Variants in ERI1 observed in about 807,000 individuals in gnomAD.
ERI1 encodes the protein exoribonuclease 1.
ERI1 carries 39 observed loss-of-function variants against 39.7 expected under a neutral mutation model. The observed-to-expected ratio is 0.98, with a 90% CI of 0.76 to 1.28. ERI1 has a LOEUF of 1.28. ERI1 is among the 50% of genes most tolerant of loss of function. The probability of loss-of-function intolerance (pLI) is 0.00; values close to 1 mark genes in which losing one functional copy is unlikely to be tolerated. For missense variants in ERI1, 581 were observed against 416.9 expected (o/e 1.39, Z -3.43); for synonymous variants, 204 against 149.6 (o/e 1.36, Z -2.65).
chr8:9,008,028 C>T lies in ERI1; in HGVS notation c.167C>T (p.Ser56Phe). The T allele has an allele frequency of 6.3e-7, 1 of 1,598,164 alleles. No individual in the cohort carries two copies. The highest frequency in any genetic ancestry group is 8.5e-7 in the Non-Finnish European group (1 of 1,175,502). The change falls in exon 2 of 7, where the codon TCC (serine) becomes TTC (phenylalanine). Residue 56 changes from serine to phenylalanine, a missense_variant. By Grantham distance (155) the Ser-to-Phe change is radical. Coordinates refer to ENST00000250263, the MANE Select transcript of ERI1 (RefSeq NM_153332.4). ...QETKGSKFIT[S>F]SASDFSDPVY... is the part of the protein sequence containing the mutation. Reference sequence around the variant, plus strand: ...ACAAAAGGATCCAAGTTCATTACCTCCAGTGCGAGTGACTTCAGTGACCCG... The same window carrying T: ...ACAAAAGGATCCAAGTTCATTACCTTCAGTGCGAGTGACTTCAGTGACCCG...
At chr8:9,050,507 CAA>C (rs35279058) in intron 3 of ERI1, among the ~76,000 whole-genome samples, 91,910 of 141,518 alleles carry the variant, frequency 0.65, 31,041 homozygotes, top group South Asian at 0.79. Flanking sequence ...AACTCCATCT[CAA>C]AAAAAAAAAA....
At chr8:9,006,919 C>G (rs1437217331) in intron 1 of ERI1, among the ~76,000 whole-genome samples, 2 of 152,248 alleles carry the variant, frequency 1.3e-5, no homozygotes, top group South Asian at 2.1e-4. Context: ...GGACTGTGGC[C>G]TCTCTGTGAT....
Position 9,033,175 on chromosome 8 carries a change from G to T in ERI1, c.*3141G>T, listed in dbSNP as rs1480001570. 7.0e-6 allele frequency: 1 copy of T among 142,380 alleles called. No homozygotes were observed. Among genetic ancestry groups the T allele is most frequent in the Non-Finnish European group, 1.5e-5 (1 of 66,144 alleles). 8.8% of individuals were successfully genotyped at this position (142,380 alleles called of 1,614,324 possible). On this transcript the variant is annotated 3_prime_UTR_variant, in exon 7 of 7. Transcript: ENST00000250263. Reference sequence around the variant, plus strand: ...GTAAATTTGTTAATCTAGAGCAGGGGTCAGCAAACTACCACCCATGGGCCA... The same window carrying T: ...GTAAATTTGTTAATCTAGAGCAGGGTTCAGCAAACTACCACCCATGGGCCA...
intron 3 of ERI1, among the ~76,000 whole-genome samples, chr8:9,059,540 T>C (rs1563363793): frequency 6.6e-6 from 1 of 151,944 alleles, no homozygotes; most frequent in Non-Finnish European, 1.5e-5. Context: ...ACATTTGTCT[T>C]ATAGAATTAT....
At chr8:9,079,086 C>G (rs533031790) in intron 3 of ERI1, among the ~76,000 whole-genome samples, 1 of 152,040 alleles carries the variant, frequency 6.6e-6, no homozygotes, top group Non-Finnish European at 1.5e-5. Context: ...AAGGAAAATT[C>G]TTTATGGGTG....
At chr8:9,021,326 C>G (rs573350369) in intron 6 of ERI1, among the ~76,000 whole-genome samples, 1 of 152,166 alleles carries the variant, frequency 6.6e-6, no homozygotes, top group East Asian at 1.9e-4. Context: ...AGCCTTTAAT[C>G]CTGTTCTAAT....
At chr8:9,066,288 T>A (rs1345987498) in intron 3 of ERI1, among the ~76,000 whole-genome samples, 1 of 152,214 alleles carries the variant, frequency 6.6e-6, no homozygotes, top group Non-Finnish European at 1.5e-5. Context: ...ACAACTTGTT[T>A]CTTCTCCTTT....
At chr8:9,070,806 AC>A (rs1329482895) in intron 3 of ERI1, among the ~76,000 whole-genome samples, 5 of 152,326 alleles carry the variant, frequency 3.3e-5, no homozygotes, top group Admixed American at 6.5e-5. Context: ...AGCTCCATGA[AC>A]CACGTTTGTA....
rs1227460684 is a variant in ERI1, at chr8:9,020,353, T to G, written c.696T>G (p.Ser232=). Residue 232 remains serine, a synonymous_variant, in exon 6 of 7, where the codon TCT becomes TCG. Transcript: ENST00000250263. ...KYKYSLLTDG[S]WDMSKFLNIQ... is the part of the protein sequence containing the mutation. Reference sequence around the variant, plus strand: ...TTTGTCCTTTTTTAATTTATAGTTCTTGGGATATGAGTAAGTTCTTGAACA... The same window carrying G: ...TTTGTCCTTTTTTAATTTATAGTTCGTGGGATATGAGTAAGTTCTTGAACA... 5 of 1,562,564 alleles carry G rather than the reference T, an allele frequency of 3.2e-6. No homozygotes were observed. Among genetic ancestry groups the G allele is most frequent in the South Asian group, 1.2e-5 (1 of 81,090 alleles).
At chr8:9,041,556 G>A (rs148484803) in intron 3 of ERI1, among the ~76,000 whole-genome samples, 1 of 152,240 alleles carries the variant, frequency 6.6e-6, no homozygotes, top group Non-Finnish European at 1.5e-5. Flanking sequence ...ACAAACACGT[G>A]CAAATTAAAC....
chr8:9,095,773 G>A (rs1276905110), intron 3 of ERI1, among the ~76,000 whole-genome samples: 1 of 152,048 alleles, frequency 6.6e-6, no homozygotes, highest in African/African-American at 2.4e-5. Flanking sequence ...TGCTTGCCTT[G>A]GAATCCCAAA....
intron 3 of ERI1, among the ~76,000 whole-genome samples, chr8:9,040,873 C>G (rs746884887): frequency 6.6e-6 from 1 of 152,136 alleles, no homozygotes; most frequent in Non-Finnish European, 1.5e-5. Flanking sequence ...TCTCCATCAG[C>G]CCGCCAGCAC....
At chr8:9,088,916 C>T (rs757210447) in intron 3 of ERI1, among the ~76,000 whole-genome samples, 32 of 152,210 alleles carry the variant, frequency 2.1e-4, no homozygotes, top group Non-Finnish European at 3.5e-4. Flanking sequence ...AGGTTCACTA[C>T]GTGCTCCTCC....
chr8:9,039,727 C>T lies in ERI1; in HGVS notation n.299+19263C>T, dbSNP rs1041447220. 5.3e-5 allele frequency among the ~76,000 whole-genome samples: 8 copies of T among 152,176 alleles called. No individual in the cohort carries two copies. In the South Asian group the frequency reaches 6.2e-4, roughly 12 times the overall value. On this transcript the variant is annotated intron_variant and non_coding_transcript_variant, in intron 3 of 3. Transcript: ENST00000518663. ...ATAATATTAACTTTTACTAGGATTA[C>T]GCTTTTCCTATAGAATGTTATCCTG...
intron 3 of ERI1, among the ~76,000 whole-genome samples, chr8:9,067,482 C>A (rs556287897): frequency 6.6e-6 from 1 of 150,888 alleles, no homozygotes; most frequent in African/African-American, 2.4e-5. Context: ...TAGAGAAACC[C>A]CATCTCTACA....
chr8:9,073,331 G>T (rs765772059), intron 3 of ERI1, among the ~76,000 whole-genome samples: 2 of 152,156 alleles, frequency 1.3e-5, no homozygotes, highest in African/African-American at 4.8e-5. Context: ...TTTATGGAAG[G>T]ATATTGTCTA....
chr8:9,062,623 A>C (rs1011264931), intron 3 of ERI1: 4 of 111,096 alleles, frequency 3.6e-5, no homozygotes, highest in African/African-American at 1.1e-4. Flanking sequence ...GACGGACTTA[A>C]CCTCCACTGT....
In ERI1 at chr8:9,018,410, A is replaced by G; in HGVS notation, c.692+4A>G. The G allele has an allele frequency of 4.2e-6, 6 of 1,445,310 alleles. No homozygotes were observed. The highest frequency in any genetic ancestry group is 5.8e-6 in the Non-Finnish European group (6 of 1,038,632). The allele number at this position is 1,445,310 out of a possible 1,614,324, so 89.5% of individuals were successfully genotyped here. A position where few individuals can be genotyped will look rare whatever the true frequency, so the allele number is the denominator to read the frequency against. The stretch of plus-strand genomic sequence containing the variant: ...AATACTCACTTTTAACAGATGGGTA[A>G]GTATTTAGGAAGATTATTTTTTTAT... On this transcript the variant is annotated splice_donor_region_variant and intron_variant, in intron 5 of 6. Coordinates refer to ENST00000250263, the MANE Select transcript of ERI1 (RefSeq NM_153332.4).
intron 3 of ERI1, among the ~76,000 whole-genome samples, chr8:9,012,372 A>G (rs1816762079): frequency 6.6e-6 from 1 of 152,232 alleles, no homozygotes; most frequent in Non-Finnish European, 1.5e-5. Context: ...CTAAAATAAT[A>G]CTGTTTACCT....
Sources: allele counts gnomAD v4.1 joint callset (sites outside exome capture counted in the v4.1 genomes callset), GRCh38; gene constraint gnomAD v4.1.1; transcripts MANE v1.5; gene names NCBI Gene and HGNC (gene_info 2026-07-23, HGNC 2026-07-21).